RFPL2: variants seen among roughly 807,000 people sequenced by gnomAD.
RFPL2 encodes the protein ret finger protein like 2.
In RFPL2, 13 loss-of-function variants were observed where a neutral mutation model predicts 17.8. That is an observed-to-expected ratio of 0.73 (90% CI 0.47 to 1.16). The LOEUF (loss-of-function observed/expected upper bound fraction) is 1.16. Among genes scored for constraint, RFPL2 ranks in the 50% most tolerant of loss-of-function variants. The pLI, the probability that RFPL2 is intolerant of heterozygous loss-of-function variation, is 0.00. For synonymous variants in RFPL2, 189 were observed against 180.9 expected, an observed-to-expected ratio of 1.04 and a Z score of -0.36; for missense variants, 431 against 479.3, an observed-to-expected ratio of 0.90 and a Z score of 0.94.
chr22:32,194,236 GC>G, intron 3 of RFPL2, 108 bp downstream of exon 3: 1 of 1,298,140 alleles, frequency 7.7e-7, no homozygotes. Context: ...CACTCAGACG[GC>G]CTTTGTTGAA....
At position 32,197,312 on chromosome 22, in the gene RFPL2, C is replaced by G. The variant is rs184119072; in HGVS notation, c.120-2822G>C. 2.0e-5 allele frequency among the ~76,000 whole-genome samples: 3 copies of G among 152,308 alleles called. No individual in the cohort carries two copies. In the East Asian group the frequency reaches 5.8e-4, roughly 29 times the overall value. Reference sequence around the variant, plus strand: ...TACCCTGCATAGCCCGGGACTGACCCAGAGGGTGGTTAAAGGCACAGTGCT... The same window carrying G: ...TACCCTGCATAGCCCGGGACTGACCGAGAGGGTGGTTAAAGGCACAGTGCT... On this transcript the variant is annotated intron_variant, in intron 2 of 4. Coordinates refer to ENST00000652607, the MANE Select transcript of RFPL2 (RefSeq NM_001394555.1).
chr22:32,196,045 CA>C (rs1923296495), intron 2 of RFPL2, among the ~76,000 whole-genome samples: 8 of 152,148 alleles, frequency 5.3e-5, no homozygotes, highest in Admixed American at 3.3e-4. Flanking sequence ...CCTCTATACC[CA>C]CAATTCTATG....
intron 1 of RFPL2, among the ~76,000 whole-genome samples, chr22:32,204,152 C>G (rs1424481756): frequency 7.9e-6 from 1 of 126,132 alleles, no homozygotes; most frequent in Non-Finnish European, 1.6e-5. Context: ...GCCCCGATAA[C>G]GCCCCAACAC....
rs377090813 is a variant in RFPL2, at chr22:32,191,063, C to T, written c.846G>A (p.Arg282=). 190 of 1,613,922 alleles carry T rather than the reference C, an allele frequency of 1.2e-4. 1 individual carries two copies. In the Middle Eastern group the frequency reaches 1.5e-3, roughly 13 times the overall value. ...TELGFWTVSL[R]DGGRLSATTV... The stretch of plus-strand genomic sequence containing the variant: ...TGGTGGCAGAGAGGCGGCCTCCATC[C>T]CTCAAACTCACAGTCCAGAATCCAA... The change falls in exon 5 of 5, where the codon AGG becomes AGA. Residue 282 remains arginine, a synonymous_variant. Coordinates refer to ENST00000652607, the MANE Select transcript of RFPL2 (RefSeq NM_001394555.1).
In RFPL2 at chr22:32,202,363, A is replaced by C; in HGVS notation, c.89T>G (p.Phe30Cys). 6.2e-7 allele frequency: 1 copy of C among 1,604,850 alleles called. No individual in the cohort carries two copies. Among genetic ancestry groups the C allele is most frequent in the Non-Finnish European group, 8.5e-7 (1 of 1,175,752 alleles). The change falls in exon 2 of 5, where the codon TTT becomes TGT. Residue 30 changes from phenylalanine to cysteine, a missense_variant. Transcript: ENST00000652607. Reference sequence around the variant, plus strand: ...GCTCCTTATCACCATCATGTCTGCAAAGTCCCAGTGGCCACACAATACAGC... The same window carrying C: ...GCTCCTTATCACCATCATGTCTGCACAGTCCCAGTGGCCACACAATACAGC... ...LCAVLCGHWDFADMMVIRSLS... is the reference protein window; with the variant it reads ...LCAVLCGHWDCADMMVIRSLS...
Position 32,202,831 on chromosome 22 carries a change from T to G in RFPL2, c.-99-281A>C. The G allele has an allele frequency of 4.7e-6, 5 of 1,056,528 alleles. No homozygotes were observed. In the African/African-American group the frequency reaches 6.7e-5, roughly 14 times the overall value. 65.4% of individuals were successfully genotyped at this position (1,056,528 alleles called of 1,614,324 possible). On this transcript the variant is annotated intron_variant, in intron 1 of 4. Coordinates refer to ENST00000652607, the MANE Select transcript of RFPL2 (RefSeq NM_001394555.1). ...CCCCAGCCAGCCCTCCCCACCCAAG[T>G]GCCGGTTCCCGTTCCTGATGCCTCC...
intron 2 of RFPL2, chr22:32,200,139 C>T: frequency 2.6e-6 from 1 of 386,890 alleles, no homozygotes; most frequent in South Asian, 2.0e-5. Flanking sequence ...GAGCCTGACA[C>T]CCCATCAATG....
In RFPL2 at chr22:32,194,391, G is replaced by A. The variant is rs377078496; in HGVS notation, c.219C>T (p.Ser73=). 103 of 1,606,874 alleles carry A rather than the reference G, an allele frequency of 6.4e-5. No individual in the cohort carries two copies. Among genetic ancestry groups the A allele is most frequent in the Admixed American group, 8.6e-5 (5 of 57,896 alleles). The stretch of plus-strand genomic sequence containing the variant: ...TGTCCTCCAGCTGCTTCCACTGGGC[G>A]CTCAGGTCTTGTGGGGAAGGGGCAC... ...PSCAPSPQDL[S]AQWKQLEDRG... is the part of the protein sequence containing the mutation. Residue 73 remains serine (S), a synonymous_variant, in exon 3 of 5, where the codon AGC becomes AGT. Transcript: ENST00000652607.
rs775343463 is a variant in RFPL2 at position 32,190,737 on chromosome 22, T to G, written c.*35A>C. 304 of 1,502,040 alleles carry G rather than the reference T, an allele frequency of 2.0e-4. No individual in the cohort carries two copies. Among genetic ancestry groups the G allele is most frequent in the Non-Finnish European group, 2.5e-4 (282 of 1,126,068 alleles). 93.0% of individuals were successfully genotyped at this position (1,502,040 alleles called of 1,614,324 possible). ...CTAAGTCTACCCACCCAAGTAATTTTCTTACCCTGTTTTTTGTTTTTTTGG... is the reference window on the plus strand; with the variant it reads ...CTAAGTCTACCCACCCAAGTAATTTGCTTACCCTGTTTTTTGTTTTTTTGG... On this transcript the variant is annotated 3_prime_UTR_variant, in exon 5 of 5. Transcript: ENST00000652607.
intron 2 of RFPL2, among the ~76,000 whole-genome samples, chr22:32,201,285 G>T (rs1461001633): frequency 6.6e-6 from 1 of 152,136 alleles, no homozygotes; most frequent in Admixed American, 6.5e-5. Context: ...TGATCTGCCT[G>T]CCTCGGCCTC....
chr22:32,204,036 C>T (rs895748874), intron 1 of RFPL2, among the ~76,000 whole-genome samples: 2 of 151,174 alleles, frequency 1.3e-5, no homozygotes, highest in African/African-American at 2.4e-5. Context: ...AGTCAACCAC[C>T]GCCGGCAGTC....
At chr22:32,198,907 G>A (rs1434827801) in intron 2 of RFPL2, among the ~76,000 whole-genome samples, 2 of 152,138 alleles carry the variant, frequency 1.3e-5, no homozygotes, top group African/African-American at 4.8e-5. Flanking sequence ...CCCCCGTCTG[G>A]GCTTTTGTCT....
At chr22:32,194,679 A>G (rs1231973725) in intron 2 of RFPL2, among the ~76,000 whole-genome samples, 189 bp from the exon 3 acceptor site, 8 of 152,268 alleles carry the variant, frequency 5.3e-5, no homozygotes, top group East Asian at 1.9e-4. Flanking sequence ...TGTTTCCATC[A>G]GTTGTCAGTA....
chr22:32,196,047 C>A (rs1475584016), intron 2 of RFPL2, among the ~76,000 whole-genome samples: 1 of 152,148 alleles, frequency 6.6e-6, no homozygotes, highest in Non-Finnish European at 1.5e-5. Flanking sequence ...TCTATACCCA[C>A]AATTCTATGC....
In RFPL2 at chr22:32,191,133, C is replaced by T; in HGVS notation, c.776G>A (p.Arg259Lys). 4 of 1,614,012 alleles carry T rather than the reference C, an allele frequency of 2.5e-6. No individual in the cohort carries two copies. Among genetic ancestry groups the T allele is most frequent in the East Asian group, 2.2e-5 (1 of 44,884 alleles). ...CCTCCCTTTGCGGTGAACAGATTCT[C>T]TGCAGACTCCCAGGTCCCATTCTGT... ...TSTEWDLGVC[R>K]ESVHRKGRIQ... Residue 259 changes from arginine (R) to lysine (K), a missense_variant, in exon 5 of 5, where the codon AGA (arginine) becomes AAA (lysine). Arg to Lys is a conservative substitution (Grantham distance 26). Coordinates refer to ENST00000652607, the MANE Select transcript of RFPL2 (RefSeq NM_001394555.1).
intron 1 of RFPL2, 121 bp from the exon 2 acceptor site, chr22:32,202,671 T>C (rs1307115350): frequency 5.2e-6 from 7 of 1,357,382 alleles, no homozygotes; most frequent in Non-Finnish European, 6.6e-6. Context: ...CCTCTCCTTT[T>C]AGCGCAAGCT....
intron 2 of RFPL2, 57 bp downstream of exon 2, chr22:32,202,276 T>G: frequency 6.5e-7 from 1 of 1,548,502 alleles, no homozygotes; most frequent in Non-Finnish European, 8.7e-7. Flanking sequence ...GCCTTCCTCT[T>G]TCCCTTATAA....
In RFPL2 at chr22:32,204,669, C is replaced by T. The variant is rs545901333; in HGVS notation, c.-100+38G>A. On this transcript the variant is annotated intron_variant, in intron 1 of 4. Coordinates refer to ENST00000652607, the MANE Select transcript of RFPL2 (RefSeq NM_001394555.1). Reference sequence around the variant, plus strand: ...GCCGAGCCATGCTGCTGCAGGCTTTCAAGCCTCCAGCGTGGGACAGGTGAC... The same window carrying T: ...GCCGAGCCATGCTGCTGCAGGCTTTTAAGCCTCCAGCGTGGGACAGGTGAC... Among the ~76,000 whole-genome samples the T allele has an allele frequency of 5.3e-5, 8 of 152,364 alleles. No homozygotes were observed. In the South Asian group the frequency reaches 1.7e-3, roughly 32 times the overall value.
At chr22:32,203,901 T>C (rs1603214535) in intron 1 of RFPL2, among the ~76,000 whole-genome samples, 1 of 121,344 alleles carries the variant, frequency 8.2e-6, no homozygotes. Flanking sequence ...GCACTACTGC[T>C]CCTTACACGC....
Sources: gnomAD v4.1 joint callset for allele counts (sites outside exome capture counted in the v4.1 genomes callset) on GRCh38, gnomAD v4.1.1 for gene constraint, MANE v1.5 for transcripts, NCBI Gene and HGNC (gene_info 2026-07-23, HGNC 2026-07-21) for gene names.